FBXO11: variants seen among roughly 807,000 people sequenced by gnomAD.
FBXO11 encodes F-box protein 11, also known as F-box only protein 11.
In FBXO11, 13 loss-of-function variants were observed where a neutral mutation model predicts 117.0. That is an observed-to-expected ratio of 0.11 (90% CI 0.07 to 0.18). The LOEUF is 0.18. FBXO11 is among the 10% of genes least tolerant of loss of function. FBXO11 has a pLI of 1.00. For synonymous variants in FBXO11, 490 were observed against 380.5 expected, an observed-to-expected ratio of 1.29 and a Z score of -3.35; for missense variants, 767 against 1,164.4, an observed-to-expected ratio of 0.66 and a Z score of 4.97.
At position 47,808,076 on chromosome 2, in the gene FBXO11, TATG is replaced by T; in HGVS notation, c.*39_*41del. The stretch of plus-strand genomic sequence containing the variant: ...CTTCTTCCAAAAAAGTGTTTTAAGT[TATG>T]ATGTTACAATGGCAGGACTTTTTCT... On this transcript the variant is annotated 3_prime_UTR_variant, in exon 23 of 23. Transcript: ENST00000403359. 2 of 1,539,822 alleles carry T rather than the reference TATG, an allele frequency of 1.3e-6. No individual in the cohort carries two copies. Among genetic ancestry groups the T allele is most frequent in the Non-Finnish European group, 1.8e-6 (2 of 1,129,568 alleles).
At chr2:47,894,875 C>T (rs1271959696) in intron 1 of FBXO11, among the ~76,000 whole-genome samples, 2 of 152,138 alleles carry the variant, frequency 1.3e-5, no homozygotes, top group Non-Finnish European at 2.9e-5. Context: ...GGAAAGAACA[C>T]AGCAGTCTCC....
intron 11 of FBXO11, among the ~76,000 whole-genome samples, chr2:47,829,072 C>A (rs978953620): frequency 6.6e-6 from 1 of 151,844 alleles, no homozygotes; most frequent in Non-Finnish European, 1.5e-5. Flanking sequence ...CAGGCACACG[C>A]CACCACGAGG....
chr2:47,882,910 A>G (rs1676541417), intron 1 of FBXO11, among the ~76,000 whole-genome samples: 1 of 152,040 alleles, frequency 6.6e-6, no homozygotes, highest in Non-Finnish European at 1.5e-5. Flanking sequence ...CAGCCTCCCA[A>G]AGTGCTGGGA....
chr2:47,827,674 CAAT>C (rs1347191591), intron 11 of FBXO11, among the ~76,000 whole-genome samples: 2 of 150,738 alleles, frequency 1.3e-5, no homozygotes, highest in East Asian at 2.0e-4. Flanking sequence ...CAAAATAAAT[CAAT>C]AATACAGAAC....
intron 1 of FBXO11, among the ~76,000 whole-genome samples, chr2:47,846,685 A>G (rs1673435439): frequency 6.6e-6 from 1 of 152,186 alleles, no homozygotes; most frequent in South Asian, 2.1e-4. Flanking sequence ...ATTTAGCTGC[A>G]TTAAAAAATA....
At chr2:47,832,530 C>T in intron 10 of FBXO11, 42 bp downstream of exon 10, 3 of 1,607,918 alleles carry the variant, frequency 1.9e-6, no homozygotes, top group Non-Finnish European at 2.5e-6. Flanking sequence ...AGCTTTTAAA[C>T]ATTTTCTAAA....
At chr2:47,818,726 C>T in intron 16 of FBXO11, 53 bp downstream of exon 16, 2 of 1,276,812 alleles carry the variant, frequency 1.6e-6, no homozygotes, top group Admixed American at 2.3e-5. Flanking sequence ...TTTTACACAC[C>T]CCACATACTC....
chr2:47,866,245 C>CA (rs57654823), intron 1 of FBXO11, among the ~76,000 whole-genome samples: 4,867 of 57,936 alleles, frequency 0.084, 270 homozygotes, highest in East Asian at 0.4. Context: ...CCTTCTGCTT[C>CA]AAAAAAAAAA....
chr2:47,881,401 T>C (rs762822238), intron 1 of FBXO11, among the ~76,000 whole-genome samples: 26 of 152,228 alleles, frequency 1.7e-4, no homozygotes, highest in Non-Finnish European at 2.2e-4. Context: ...TATAGCTTTG[T>C]TCTAATGGTT....
Position 47,807,043 on chromosome 2 carries a change from T to A in FBXO11, c.*1075A>T. 1.6e-6 allele frequency: 1 copy of A among 610,926 alleles called. No individual in the cohort carries two copies. The highest frequency in any genetic ancestry group is 2.9e-6 in the Non-Finnish European group (1 of 347,836). 37.8% of individuals were successfully genotyped at this position (610,926 alleles called of 1,614,324 possible). A position where few individuals can be genotyped will look rare whatever the true frequency, so the allele number is the denominator to read the frequency against. On this transcript the variant is annotated 3_prime_UTR_variant, in exon 23 of 23. Coordinates refer to ENST00000403359, the MANE Select transcript of FBXO11 (RefSeq NM_001190274.2). ...GGTTATTGAATACTCCACAATATAT[T>A]AAGTCTAGATGTTATGGTACATGCA...
chr2:47,875,446 T>C (rs1426180343), intron 1 of FBXO11, among the ~76,000 whole-genome samples: 1 of 151,928 alleles, frequency 6.6e-6, no homozygotes, highest in Non-Finnish European at 1.5e-5. Flanking sequence ...AAAATGACTA[T>C]TTATTACATC....
At chr2:47,825,005 T>C (rs1334408654) in intron 11 of FBXO11, among the ~76,000 whole-genome samples, 7 of 152,194 alleles carry the variant, frequency 4.6e-5, no homozygotes, top group African/African-American at 1.7e-4. Flanking sequence ...TCTACCCCAC[T>C]GTAAGCTCCT....
At chr2:47,822,631 T>C (rs142878187) in intron 12 of FBXO11, among the ~76,000 whole-genome samples, 12 of 152,332 alleles carry the variant, frequency 7.9e-5, no homozygotes, top group African/African-American at 1.2e-4. Context: ...AATTTGACAA[T>C]TAAAAATAAT....
chr2:47,891,616 A>C (rs1483285238), intron 1 of FBXO11, among the ~76,000 whole-genome samples: 1 of 152,110 alleles, frequency 6.6e-6, no homozygotes, highest in African/African-American at 2.4e-5. Context: ...TCCTGATTTC[A>C]TTTCTTTTGA....
rs1407900639 is a variant in FBXO11 at position 47,857,185 on chromosome 2, A to G, written c.233-17416T>C. ...ACCTAACAGTGCATGTGGATTTACT[A>G]GAGATTATAAAATCAGTATACAAAC... On this transcript the variant is annotated intron_variant, in intron 1 of 22. Coordinates refer to ENST00000403359, the MANE Select transcript of FBXO11 (RefSeq NM_001190274.2). Among the ~76,000 whole-genome samples the G allele has an allele frequency of 2.0e-5, 3 of 152,244 alleles. No homozygotes were observed. In the East Asian group the frequency reaches 5.8e-4, roughly 29 times the overall value.
rs2104137816 is a variant in FBXO11, at chr2:47,905,545, G to T, written c.176C>A (p.Pro59Gln). 8.1e-7 allele frequency: 1 copy of T among 1,241,118 alleles called. No homozygotes were observed. Among genetic ancestry groups the T allele is most frequent in the Non-Finnish European group, 1.0e-6 (1 of 995,154 alleles). 76.9% of individuals were successfully genotyped at this position (1,241,118 alleles called of 1,614,324 possible). The part of the protein sequence containing the change: ...PQQQQQQQPP[P>Q]PPPPPPPLPQ... ...CAGCGGCGGAGGCGGCGGTGGCGGCGGCGGAGGCTGCTGCTGCTGCTGCTG... is the reference window on the plus strand; with the variant it reads ...CAGCGGCGGAGGCGGCGGTGGCGGCTGCGGAGGCTGCTGCTGCTGCTGCTG... The change falls in exon 1 of 23, where the codon CCG becomes CAG. Residue 59 changes from proline to glutamine, a missense_variant. Transcript: ENST00000403359.
intron 4 of FBXO11, chr2:47,837,045 A>T (rs1340470297): frequency 1.3e-5 from 3 of 238,958 alleles, no homozygotes; most frequent in African/African-American, 7.1e-5. Flanking sequence ...GCCTAAAAAG[A>T]TAATTTTCAG....
intron 1 of FBXO11, among the ~76,000 whole-genome samples, chr2:47,890,123 ATTATTTAT>A (rs137926259): frequency 7.3e-5 from 11 of 151,614 alleles, no homozygotes; most frequent in African/African-American, 2.4e-4. Context: ...GCTAATTTTT[ATTATTTAT>A]TTATTTATTT....
chr2:47,870,155 T>G (rs1675518275), intron 1 of FBXO11, among the ~76,000 whole-genome samples: 1 of 152,228 alleles, frequency 6.6e-6, no homozygotes, highest in South Asian at 2.1e-4. Context: ...AGTGTCTCTC[T>G]CTCTCCCTAT....
Sources: gnomAD v4.1 joint callset for allele counts (sites outside exome capture counted in the v4.1 genomes callset) on GRCh38, gnomAD v4.1.1 for gene constraint, MANE v1.5 for transcripts, NCBI Gene and HGNC (gene_info 2026-07-23, HGNC 2026-07-21) for gene names.